The following DNAI1 variants were observed in gnomAD, a reference collection of about 807,000 sequenced individuals.
The protein encoded by DNAI1 is dynein axonemal intermediate chain 1, also known as dynein, axonemal, intermediate polypeptide 1.
A neutral mutation model predicts 92.0 loss-of-function variants in DNAI1; 67 were observed. The observed-to-expected ratio is 0.73, with a 90% CI of 0.60 to 0.89. The LOEUF (loss-of-function observed/expected upper bound fraction) is 0.89. Among genes scored for constraint, DNAI1 ranks in the 40% least tolerant of loss-of-function variants. DNAI1 has a pLI of 0.00. For synonymous variants in DNAI1, 323 were observed against 319.6 expected (o/e 1.01, Z -0.11); for missense variants, 839 against 866.6 (o/e 0.97, Z 0.40).
chr9:34,489,408 A>G lies in DNAI1; in HGVS notation c.347A>G (p.Asp116Gly), dbSNP rs2132061122. ...GGGAACCTGATCCCCAAAGACTCAG[A>G]TGAAGGACGGCGGCAGCATTACCGC... ...QVGNLIPKDS[D>G]EGRRQHYRDE... The change falls in exon 5 of 20, where the codon GAT becomes GGT. Residue 116 changes from aspartate to glycine, a missense_variant. Asp to Gly is a moderately conservative substitution (Grantham distance 94). Coordinates refer to ENST00000242317, the MANE Select transcript of DNAI1 (RefSeq NM_012144.4). The G allele has an allele frequency of 6.2e-7, 1 of 1,614,140 alleles. No homozygotes were observed. The highest frequency in any genetic ancestry group is 8.5e-7 in the Non-Finnish European group (1 of 1,180,018).
intron 1 of DNAI1, among the ~76,000 whole-genome samples, chr9:34,479,325 G>A (rs1229714358): frequency 6.6e-6 from 1 of 152,178 alleles, no homozygotes; most frequent in Non-Finnish European, 1.5e-5. Context: ...CAGGAATTCA[G>A]GCTTGTCTGT....
At chr9:34,509,971 C>T (rs1293460314) in intron 13 of DNAI1, among the ~76,000 whole-genome samples, 5 of 151,776 alleles carry the variant, frequency 3.3e-5, no homozygotes, top group Non-Finnish European at 7.4e-5. Context: ...CCAAGGGACA[C>T]CCAGAGGGAG....
chr9:34,489,061 C>T, intron 4 of DNAI1: 1 of 408,046 alleles, frequency 2.5e-6, no homozygotes, highest in South Asian at 2.1e-5. Flanking sequence ...AAATCTGGAG[C>T]CACTTGAGGT....
chr9:34,491,336 T>G, intron 7 of DNAI1, 159 bp from the exon 8 acceptor site: 1 of 733,790 alleles, frequency 1.4e-6, no homozygotes, highest in Non-Finnish European at 2.4e-6. Flanking sequence ...TTTGAATGCA[T>G]CATTCAGTTA....
intron 1 of DNAI1, among the ~76,000 whole-genome samples, chr9:34,462,889 A>G (rs963081080): frequency 1.3e-5 from 2 of 152,248 alleles, no homozygotes; most frequent in Admixed American, 1.3e-4. Context: ...TTGGTGATAT[A>G]GCAAGAAACA....
chr9:34,464,526 C>A (rs1024160582), intron 1 of DNAI1, among the ~76,000 whole-genome samples: 1 of 152,030 alleles, frequency 6.6e-6, no homozygotes, highest in South Asian at 2.1e-4. Flanking sequence ...CCCCAATGCC[C>A]CCTGCCCCGT....
At chr9:34,487,433 C>G (rs964730453) in intron 4 of DNAI1, among the ~76,000 whole-genome samples, 1 of 152,098 alleles carries the variant, frequency 6.6e-6, no homozygotes, top group Non-Finnish European at 1.5e-5. Flanking sequence ...GATCTGCCCG[C>G]CTCAGCCTCC....
chr9:34,517,220 C>A, intron 18 of DNAI1, 65 bp from the exon 19 acceptor site: 1 of 1,561,732 alleles, frequency 6.4e-7, no homozygotes, highest in Non-Finnish European at 8.7e-7. Context: ...TCCAGGGACT[C>A]ATTCCTCTGA....
At chr9:34,469,639 G>A (rs1396507676) in intron 1 of DNAI1, among the ~76,000 whole-genome samples, 1 of 152,066 alleles carries the variant, frequency 6.6e-6, no homozygotes, top group Non-Finnish European at 1.5e-5. Flanking sequence ...GTGTAATGGT[G>A]TGATCTCAGC....
At chr9:34,484,272 A>G (rs924603671) in intron 2 of DNAI1, among the ~76,000 whole-genome samples, 2 of 152,226 alleles carry the variant, frequency 1.3e-5, no homozygotes. Flanking sequence ...GTTATTATAA[A>G]TCCTCTAACA....
At chr9:34,489,239 T>G in intron 4 of DNAI1, 84 bp from the exon 5 acceptor site, 1 of 1,534,890 alleles carries the variant, frequency 6.5e-7, no homozygotes, top group Non-Finnish European at 9.0e-7. Context: ...GGACTGTCTT[T>G]GATCTTAGAG....
intron 8 of DNAI1, among the ~76,000 whole-genome samples, chr9:34,492,479 G>A (rs1423161578): frequency 9.3e-6 from 1 of 107,702 alleles, no homozygotes; most frequent in Non-Finnish European, 2.0e-5. Flanking sequence ...CCGGGGTGGG[G>A]GTGGGGATAT....
At chr9:34,484,172 G>A (rs1824428039) in intron 2 of DNAI1, among the ~76,000 whole-genome samples, 1 of 152,134 alleles carries the variant, frequency 6.6e-6, no homozygotes, top group South Asian at 2.1e-4. Flanking sequence ...CCGAGATCGT[G>A]CCGCTGCACT....
intron 1 of DNAI1, among the ~76,000 whole-genome samples, chr9:34,477,231 C>A (rs1042165933): frequency 6.6e-6 from 1 of 152,078 alleles, no homozygotes; most frequent in Non-Finnish European, 1.5e-5. Context: ...GTTGCCCAGG[C>A]TGGTCTTGAA....
chr9:34,466,178 G>A (rs1460192300), intron 1 of DNAI1, among the ~76,000 whole-genome samples: 1 of 145,142 alleles, frequency 6.9e-6, no homozygotes, highest in Non-Finnish European at 1.5e-5. Context: ...GCACTACTCT[G>A]AACACTAACT....
intron 9 of DNAI1, among the ~76,000 whole-genome samples, chr9:34,493,615 G>A (rs1475383112): frequency 6.6e-6 from 1 of 152,060 alleles, no homozygotes; most frequent in Non-Finnish European, 1.5e-5. Flanking sequence ...AGCACTATAT[G>A]CCTTCTGGAA....
chr9:34,504,925 T>C (rs1002887652), intron 12 of DNAI1, among the ~76,000 whole-genome samples: 1 of 152,000 alleles, frequency 6.6e-6, no homozygotes, highest in African/African-American at 2.4e-5. Flanking sequence ...ATTATTGTCA[T>C]CAGAAGGGCG....
At chr9:34,465,174 A>G (rs966937675) in intron 1 of DNAI1, among the ~76,000 whole-genome samples, 3 of 152,266 alleles carry the variant, frequency 2.0e-5, no homozygotes, top group Admixed American at 1.3e-4. Context: ...CTAAGAAGGC[A>G]GTAAGAACTA....
At chr9:34,487,112 G>T (rs984601163) in intron 4 of DNAI1, among the ~76,000 whole-genome samples, 1 of 152,062 alleles carries the variant, frequency 6.6e-6, no homozygotes, top group African/African-American at 2.4e-5. Flanking sequence ...AAGATTAGTT[G>T]AACACACTGC....
Sources: allele counts gnomAD v4.1 joint callset (sites outside exome capture counted in the v4.1 genomes callset), GRCh38; gene constraint gnomAD v4.1.1; transcripts MANE v1.5; gene names NCBI Gene and HGNC (gene_info 2026-07-23, HGNC 2026-07-21).